Variants in ATP2C1 observed in about 807,000 individuals in gnomAD.
The protein encoded by ATP2C1 is calcium-transporting ATPase type 2C member 1.
A neutral mutation model predicts 120.5 loss-of-function variants in ATP2C1; 31 were observed. The ratio of observed to expected loss-of-function variants is 0.26; its 90% CI spans 0.19 to 0.35. The LOEUF (loss-of-function observed/expected upper bound fraction) is 0.35. Ranked by LOEUF, ATP2C1 falls within the 10% of genes least tolerant of loss-of-function variation. The probability of loss-of-function intolerance (pLI) is 1.00; values close to 1 mark genes in which losing one functional copy is unlikely to be tolerated. For synonymous variants in ATP2C1, 351 were observed against 358.7 expected (o/e 0.98, Z 0.24); for missense variants, 731 against 1,107.5 (o/e 0.66, Z 4.83).
chr3:130,982,074 ATCTCAGAACTC>A (rs1369577605), intron 20 of ATP2C1, among the ~76,000 whole-genome samples: 2 of 152,072 alleles, frequency 1.3e-5, no homozygotes. Flanking sequence ...TGCTTTTGAT[ATCTCAGAACTC>A]CCTGCCTAAC....
chr3:130,884,397 C>T (rs113925536), intron 1 of ATP2C1, among the ~76,000 whole-genome samples: 4 of 152,284 alleles, frequency 2.6e-5, no homozygotes, highest in Admixed American at 6.5e-5. Context: ...TTTTGGGGAA[C>T]GTTTAAGACT....
intron 16 of ATP2C1, among the ~76,000 whole-genome samples, chr3:130,967,886 T>C (rs1045962692): frequency 1.3e-5 from 2 of 152,222 alleles, no homozygotes; most frequent in Non-Finnish European, 2.9e-5. Flanking sequence ...GAAGTTATAA[T>C]TTGTTTTGGG....
In ATP2C1 at chr3:131,002,056, C is replaced by G. The variant is rs1164084998; in HGVS notation, c.*706C>G. The G allele has an allele frequency of 1.0e-6, 1 of 985,456 alleles. No homozygotes were observed. Among genetic ancestry groups the G allele is most frequent in the Non-Finnish European group, 1.2e-6 (1 of 829,854 alleles). The allele number at this position is 985,456 out of a possible 1,614,324, so 61.0% of individuals were successfully genotyped here. ...GGTATGTCTTTGGTTTGGCAGAATT[C>G]ATGCAGGGCTATCAAGTGGTGTTCT... is the stretch of plus-strand genomic sequence containing the variant. On this transcript the variant is annotated 3_prime_UTR_variant, in exon 28 of 28. Transcript: ENST00000510168.
At chr3:130,959,165 A>T (rs2060708862) in intron 11 of ATP2C1, 110 bp from the exon 12 acceptor site, 2 of 752,564 alleles carry the variant, frequency 2.7e-6, no homozygotes, top group Non-Finnish European at 4.6e-6. Flanking sequence ...TTGTGATCTG[A>T]TATGCTTTCC....
At chr3:130,959,588 A>T (rs1201726549) in intron 12 of ATP2C1, 1 of 225,628 alleles carries the variant, frequency 4.4e-6, no homozygotes, top group Non-Finnish European at 8.9e-6. Flanking sequence ...CTTTTTATAT[A>T]TAAATATACA....
intron 5 of ATP2C1, among the ~76,000 whole-genome samples, chr3:130,937,042 A>G (rs1050064639): frequency 7.2e-5 from 11 of 152,172 alleles, no homozygotes; most frequent in African/African-American, 1.9e-4. Context: ...TTTATTTTTC[A>G]TAAAGTTATT....
intron 2 of ATP2C1, among the ~76,000 whole-genome samples, chr3:130,914,970 G>A (rs1410540645): frequency 6.6e-6 from 1 of 152,190 alleles, no homozygotes; most frequent in Non-Finnish European, 1.5e-5. Flanking sequence ...CAGTTGGATT[G>A]TTGAATCTTC....
At chr3:130,922,548 T>TA (rs1311973966) in intron 2 of ATP2C1, among the ~76,000 whole-genome samples, 1 of 152,192 alleles carries the variant, frequency 6.6e-6, no homozygotes, top group Non-Finnish European at 1.5e-5. Flanking sequence ...GGTGTGACCT[T>TA]AGATTGTCTG....
chr3:130,918,334 T>C lies in ATP2C1; in HGVS notation c.7-12082T>C, dbSNP rs2058780180. 4 of 1,562,108 alleles carry C rather than the reference T, an allele frequency of 2.6e-6. No homozygotes were observed. The East Asian group carries it at 9.0e-5, about 35-fold the overall frequency. On this transcript the variant is annotated intron_variant, in intron 2 of 27. Transcript: ENST00000510168. ...CACCTTCTTTTTCAGTCAGGAGTTG[T>C]TGATTCAAGACTCTTCCCACACTTT...
chr3:130,980,034 C>T (rs994601512), intron 19 of ATP2C1, among the ~76,000 whole-genome samples: 4 of 152,084 alleles, frequency 2.6e-5, no homozygotes, highest in Non-Finnish European at 5.9e-5. Context: ...AAGAACAGGT[C>T]ACTAGGAACA....
intron 11 of ATP2C1, 78 bp from the exon 12 acceptor site, chr3:130,959,197 T>C (rs2060711484): frequency 1.8e-6 from 2 of 1,098,558 alleles, no homozygotes; most frequent in Admixed American, 3.6e-5. Context: ...AGGGACGTTT[T>C]AGATTCCTTC....
At chr3:130,921,376 C>G (rs1165954298) in intron 2 of ATP2C1, among the ~76,000 whole-genome samples, 1 of 152,004 alleles carries the variant, frequency 6.6e-6, no homozygotes, top group Non-Finnish European at 1.5e-5. Context: ...GCCACTGTGC[C>G]TGGCCCAAAA....
upstream of ATP2C1, among the ~76,000 whole-genome samples, chr3:130,889,089 G>A (rs1471044496): frequency 6.6e-6 from 1 of 152,162 alleles, no homozygotes; most frequent in African/African-American, 2.4e-5. Context: ...AGCACTCAAG[G>A]GAGGAATCAA....
intron 27 of ATP2C1, among the ~76,000 whole-genome samples, chr3:131,000,226 T>C (rs1022372926): frequency 1.3e-5 from 2 of 152,204 alleles, no homozygotes; most frequent in Non-Finnish European, 1.5e-5. Context: ...AGGAATGATA[T>C]ATTTGACAGT....
chr3:130,930,325 G>C (rs1197756446), intron 2 of ATP2C1, 91 bp from the exon 3 acceptor site: 2 of 828,728 alleles, frequency 2.4e-6, no homozygotes, highest in Non-Finnish European at 4.1e-6. Flanking sequence ...TGGAAAATTA[G>C]TTGCTGTGAA....
intron 1 of ATP2C1, among the ~76,000 whole-genome samples, chr3:130,888,880 T>G (rs1193716361): frequency 6.6e-6 from 1 of 152,234 alleles, no homozygotes; most frequent in Non-Finnish European, 1.5e-5. Context: ...AAATGTGTTG[T>G]TCCTGTCGGG....
chr3:130,955,961 A>G, intron 10 of ATP2C1, 143 bp from the exon 11 acceptor site: 2 of 647,594 alleles, frequency 3.1e-6, no homozygotes, highest in South Asian at 3.2e-5. Context: ...CAGTTTTCTC[A>G]GTGAAGGTGA....
chr3:130,859,627 C>A (rs1277259763), intron 1 of ATP2C1, among the ~76,000 whole-genome samples: 4 of 152,056 alleles, frequency 2.6e-5, no homozygotes, highest in African/African-American at 9.7e-5. Context: ...TATTATGGTC[C>A]CTTCTGAAGG....
chr3:130,885,508 G>A (rs1381955678), intron 1 of ATP2C1, among the ~76,000 whole-genome samples: 1 of 151,288 alleles, frequency 6.6e-6, no homozygotes, highest in Non-Finnish European at 1.5e-5. Context: ...CGTGTCTATT[G>A]TACGTTTTTC....
Sources: gnomAD v4.1 joint callset for allele counts (sites outside exome capture counted in the v4.1 genomes callset) on GRCh38, gnomAD v4.1.1 for gene constraint, MANE v1.5 for transcripts, NCBI Gene and HGNC (gene_info 2026-07-23, HGNC 2026-07-21) for gene names.